SLC39A11: variants seen among roughly 807,000 people sequenced by gnomAD.
The protein encoded by SLC39A11 is solute carrier family 39 member 11, also known as zinc transporter ZIP11.
A neutral mutation model predicts 36.1 loss-of-function variants in SLC39A11; 33 were observed. The ratio of observed to expected loss-of-function variants is 0.91; its 90% CI spans 0.69 to 1.22. The LOEUF is 1.22. Ranked by LOEUF, SLC39A11 falls within the 50% of genes most tolerant of loss-of-function variation. The pLI, the probability that SLC39A11 is intolerant of heterozygous loss-of-function variation, is 0.00. For missense variants in SLC39A11, 432 were observed against 430.3 expected (o/e 1.00, Z -0.03); for synonymous variants, 166 against 170.3 (o/e 0.97, Z 0.20).
rs147214239 is a variant in SLC39A11 at position 72,663,128 on chromosome 17, G to GGCAC, written c.672-13864_672-13861dup. Reference sequence around the variant, plus strand: ...CCTATTTACACAAAGTCCCCAAACAGGCACAACCAAGCTATGCCTTCTTAG... The same window carrying GGCAC: ...CCTATTTACACAAAGTCCCCAAACAGGCACGCACAACCAAGCTATGCCTTCTTAG... On this transcript the variant is annotated intron_variant, in intron 7 of 9. Coordinates refer to ENST00000255559, the MANE Select transcript of SLC39A11 (RefSeq NM_139177.4). 2.7e-3 allele frequency among the ~76,000 whole-genome samples: 407 copies of GGCAC among 152,276 alleles called. 2 individuals carry two copies. Among genetic ancestry groups the GGCAC allele is most frequent in the African/African-American group, 9.4e-3 (392 of 41,556 alleles).
At chr17:72,894,894 G>A (rs942500371) in intron 5 of SLC39A11, among the ~76,000 whole-genome samples, 3 of 152,130 alleles carry the variant, frequency 2.0e-5, no homozygotes, top group Admixed American at 6.6e-5. Context: ...TGGGCTGAAG[G>A]TGGACTGGGA....
rs118094048 is a variant in SLC39A11, at chr17:72,755,956, C to T, written c.602-19237G>A. ...TGGAGGGGAATGAGCCAAAGGTTGA[C>T]GCTGTTCCAATCCCAATATGGGTAA... On this transcript the variant is annotated intron_variant, in intron 6 of 9. Coordinates refer to ENST00000255559, the MANE Select transcript of SLC39A11 (RefSeq NM_139177.4). 5.1e-4 allele frequency among the ~76,000 whole-genome samples: 78 copies of T among 152,306 alleles called. 1 individual carries two copies. In the East Asian group the frequency reaches 0.011, roughly 21 times the overall value.
chr17:72,930,399 A>G (rs2084312934), intron 5 of SLC39A11, among the ~76,000 whole-genome samples: 1 of 152,162 alleles, frequency 6.6e-6, no homozygotes. Context: ...CCTGTCAGAT[A>G]CCAGTACAGA....
At chr17:72,945,855 A>T (rs916442912) in intron 5 of SLC39A11, among the ~76,000 whole-genome samples, 4 of 152,186 alleles carry the variant, frequency 2.6e-5, no homozygotes. Context: ...TGTCCATCCA[A>T]GGGCTTGCCA....
At chr17:72,971,202 G>A (rs1216869876) in intron 4 of SLC39A11, among the ~76,000 whole-genome samples, 2 of 152,116 alleles carry the variant, frequency 1.3e-5, no homozygotes, top group African/African-American at 4.8e-5. Flanking sequence ...ATAGATTTGG[G>A]AACGGTTGAG....
chr17:73,037,960 C>T (rs1411090807), intron 3 of SLC39A11, among the ~76,000 whole-genome samples: 2 of 152,232 alleles, frequency 1.3e-5, no homozygotes, highest in African/African-American at 4.8e-5. Context: ...CAGGGGCTTA[C>T]GCCCATAATC....
chr17:72,875,713 A>C (rs1324382804), intron 5 of SLC39A11, among the ~76,000 whole-genome samples: 1 of 151,994 alleles, frequency 6.6e-6, no homozygotes, highest in Admixed American at 6.6e-5. Flanking sequence ...TTTCTAATCT[A>C]TTTCTTTCTT....
intron 3 of SLC39A11, among the ~76,000 whole-genome samples, chr17:73,037,282 T>G (rs939751279): frequency 2.0e-5 from 3 of 152,196 alleles, no homozygotes; most frequent in African/African-American, 7.2e-5. Flanking sequence ...ATGATAAGCA[T>G]CACTTTTTAA....
At chr17:72,678,717 G>T (rs2071386449) in intron 7 of SLC39A11, among the ~76,000 whole-genome samples, 1 of 151,946 alleles carries the variant, frequency 6.6e-6, no homozygotes, top group Non-Finnish European at 1.5e-5. Context: ...CCAAGAGCAT[G>T]CCTCATGCTC....
In SLC39A11 at chr17:72,949,337, T is replaced by C. The variant is rs112802119; in HGVS notation, c.307-1462A>G. ...CACCACGCCGGGCTAATCTTTGTGT[T>C]TTTAGTGGAGATAGGGTTTCACCAT... On this transcript the variant is annotated intron_variant, in intron 4 of 9. Transcript: ENST00000255559. 9.9e-3 allele frequency among the ~76,000 whole-genome samples: 1,505 copies of C among 151,528 alleles called. 22 individuals are homozygous for C. Among genetic ancestry groups the C allele is most frequent in the African/African-American group, 0.034 (1,389 of 41,348 alleles).
intron 5 of SLC39A11, among the ~76,000 whole-genome samples, chr17:72,927,457 C>A (rs1002528254): frequency 6.6e-6 from 1 of 152,190 alleles, no homozygotes; most frequent in Admixed American, 6.5e-5. Flanking sequence ...CTAAAAAGGA[C>A]CTTGCCAATG....
At chr17:72,682,034 C>T (rs565900845) in intron 7 of SLC39A11, among the ~76,000 whole-genome samples, 189 of 152,124 alleles carry the variant, frequency 1.2e-3, no homozygotes, top group African/African-American at 3.7e-3. Flanking sequence ...ACCTGAGCTC[C>T]GCCTCCCATC....
intron 4 of SLC39A11, among the ~76,000 whole-genome samples, chr17:72,994,414 A>T (rs1455762277): frequency 6.6e-6 from 1 of 152,182 alleles, no homozygotes; most frequent in Non-Finnish European, 1.5e-5. Context: ...AACTATAAAA[A>T]AGAGGTAATT....
intron 4 of SLC39A11, among the ~76,000 whole-genome samples, chr17:72,987,903 C>A (rs766294961): frequency 1.2e-4 from 18 of 152,150 alleles, no homozygotes; most frequent in Non-Finnish European, 2.4e-4. Flanking sequence ...AAGAGCAAAG[C>A]CTACTTTCCA....
intron 7 of SLC39A11, among the ~76,000 whole-genome samples, chr17:72,666,177 AAAC>A (rs1389289219): frequency 1.3e-5 from 2 of 152,326 alleles, no homozygotes; most frequent in East Asian, 1.9e-4. Context: ...TGTGATCCCT[AAAC>A]AACGAGGGTA....
At chr17:72,947,903 G>A (rs781335313) in intron 4 of SLC39A11, 28 bp from the exon 5 acceptor site, 1 of 1,610,832 alleles carries the variant, frequency 6.2e-7, no homozygotes, top group Non-Finnish European at 8.5e-7. Flanking sequence ...AACATCACTA[G>A]AGCACCACTA....
chr17:72,852,020 G>A (rs953077945), intron 5 of SLC39A11, among the ~76,000 whole-genome samples: 3 of 151,612 alleles, frequency 2.0e-5, no homozygotes, highest in East Asian at 3.9e-4. Flanking sequence ...GGCTAACACG[G>A]TGAAACCCTA....
intron 5 of SLC39A11, among the ~76,000 whole-genome samples, chr17:72,934,387 C>G (rs900970395): frequency 2.0e-5 from 3 of 152,106 alleles, no homozygotes; most frequent in African/African-American, 7.2e-5. Context: ...CTCTCGGGGC[C>G]GGGCACAGTG....
chr17:72,671,913 C>T, intron 7 of SLC39A11, among the ~76,000 whole-genome samples: 1 of 151,942 alleles, frequency 6.6e-6, no homozygotes, highest in East Asian at 1.9e-4. Context: ...TAAAATTTTT[C>T]AGTAATAAGA....
Sources: gnomAD v4.1 joint callset for allele counts (sites outside exome capture counted in the v4.1 genomes callset) on GRCh38, gnomAD v4.1.1 for gene constraint, MANE v1.5 for transcripts, NCBI Gene and HGNC (gene_info 2026-07-23, HGNC 2026-07-21) for gene names.